Variants in MCM9 observed in about 807,000 individuals in gnomAD.
MCM9 encodes minichromosome maintenance 9 homologous recombination repair factor.
A neutral mutation model predicts 72.8 loss-of-function variants in MCM9; 55 were observed. That is an observed-to-expected ratio of 0.76 (90% CI 0.61 to 0.95). The LOEUF is 0.95. Among genes scored for constraint, MCM9 ranks in the 40% least tolerant of loss-of-function variants. The probability of loss-of-function intolerance (pLI) is 0.00; values close to 1 mark genes in which losing one functional copy is unlikely to be tolerated. For missense variants in MCM9, 1,279 were observed against 1,377.0 expected, an observed-to-expected ratio of 0.93 and a Z score of 1.13; for synonymous variants, 480 against 503.4, an observed-to-expected ratio of 0.95 and a Z score of 0.62.
intron 9 of MCM9, among the ~76,000 whole-genome samples, chr6:118,843,716 A>ATGTG (rs1241979417): frequency 1.3e-4 from 10 of 79,692 alleles, no homozygotes; most frequent in African/African-American, 5.2e-4. Flanking sequence ...ATGTATATAT[A>ATGTG]TATGTATATA....
chr6:118,893,925 C>CGCCGCAGCCACGCCTCCCCT, intron 8 of MCM9: 1 of 776,574 alleles, frequency 1.3e-6, no homozygotes, highest in Non-Finnish European at 1.6e-6. Flanking sequence ...CGCGCCCTCC[C>CGCCGCAGCCACGCCTCCCCT]GCCGCAGCCA....
intron 9 of MCM9, among the ~76,000 whole-genome samples, chr6:118,846,163 A>G (rs1775848451): frequency 6.6e-6 from 1 of 151,946 alleles, no homozygotes; most frequent in Non-Finnish European, 1.5e-5. Flanking sequence ...TGATAATGGC[A>G]GCTACTTATA....
At chr6:118,846,407 G>C (rs1384428351) in intron 9 of MCM9, among the ~76,000 whole-genome samples, 1 of 151,830 alleles carries the variant, frequency 6.6e-6, no homozygotes, top group Non-Finnish European at 1.5e-5. Context: ...GAAAGTAATG[G>C]GGGCCTCATG....
chr6:118,911,095 A>G, intron 8 of MCM9: 1 of 985,174 alleles, frequency 1.0e-6, no homozygotes, highest in South Asian at 4.7e-5. Context: ...TTTATAATCA[A>G]ATCTTGACAT....
At chr6:118,885,134 T>C (rs1253202044) in intron 8 of MCM9, among the ~76,000 whole-genome samples, 1 of 151,984 alleles carries the variant, frequency 6.6e-6, no homozygotes, top group Non-Finnish European at 1.5e-5. Context: ...AGGCGGAGCT[T>C]ACAGTGAGCT....
At chr6:118,916,493 CTG>C (rs1780975042) in intron 6 of MCM9, among the ~76,000 whole-genome samples, 1 of 149,578 alleles carries the variant, frequency 6.7e-6, no homozygotes, top group Admixed American at 6.7e-5. Flanking sequence ...GAGTCTCACT[CTG>C]TCGCCCAGGC....
chr6:118,838,624 T>TATGG (rs902875780), intron 9 of MCM9, among the ~76,000 whole-genome samples: 2 of 152,190 alleles, frequency 1.3e-5, no homozygotes, highest in African/African-American at 4.8e-5. Context: ...GGTTTCACCA[T>TATGG]GTTAGCCAGG....
At position 118,815,185 on chromosome 6, in the gene MCM9, T is replaced by C. The variant is rs539826850; in HGVS notation, c.3071A>G (p.Asn1024Ser). ...AGTAAGATGAGCACACCCAGTCTCG[T>C]TCCCAAGCTCTAATTCAGGCTGAAT... ...RIIQPELELG[N>S]ETGCAHLTCE... The change falls in exon 14 of 14, where the codon AAC (asparagine) becomes AGC (serine). Residue 1024 changes from asparagine (N) to serine (S), a missense_variant. Asn to Ser is a conservative substitution (Grantham distance 46, BLOSUM62 1). Transcript: ENST00000619706. 4 of 1,550,596 alleles carry C rather than the reference T, an allele frequency of 2.6e-6. No homozygotes were observed. The South Asian group carries it at 4.8e-5, about 18-fold the overall frequency.
At chr6:118,842,369 TTA>T (rs1191127176) in intron 9 of MCM9, among the ~76,000 whole-genome samples, 21 of 152,358 alleles carry the variant, frequency 1.4e-4, no homozygotes, top group African/African-American at 5.1e-4. Flanking sequence ...CTTTCCCAAA[TTA>T]TGATTTATTT....
Position 118,931,523 on chromosome 6 carries a change from T to A in MCM9, c.201A>T (p.Thr67=). ...ACCTTCGCAGTGCACTATCAAAAAT[T>A]GTAAGCACTTCACTGGGGAACATGT... ...YFNMFPSEVL[T]IFDSALRRSA... Residue 67 remains threonine, a synonymous_variant, in exon 3 of 14, where the codon ACA becomes ACT. Coordinates refer to ENST00000619706, the MANE Select transcript of MCM9 (RefSeq NM_017696.3). The A allele has an allele frequency of 6.2e-7, 1 of 1,614,168 alleles. No homozygotes were observed. The highest frequency in any genetic ancestry group is 8.5e-7 in the Non-Finnish European group (1 of 1,180,032).
At chr6:118,863,121 A>C (rs1777003638) in intron 8 of MCM9, among the ~76,000 whole-genome samples, 1 of 152,220 alleles carries the variant, frequency 6.6e-6, no homozygotes, top group Middle Eastern at 3.2e-3. Context: ...TCTAATAGAC[A>C]ACAGTTTGTC....
At chr6:118,902,156 TGG>T (rs1779836001) in intron 8 of MCM9, among the ~76,000 whole-genome samples, 1 of 152,192 alleles carries the variant, frequency 6.6e-6, no homozygotes, top group African/African-American at 2.4e-5. Context: ...GTAAAAGACA[TGG>T]GTAACAGAAT....
chr6:118,816,016 A>T lies in MCM9; in HGVS notation c.2240T>A (p.Phe747Tyr). ...AGGTTCACTCTGATGAGTTGCCATG[A>T]AATCAAACCAATCTAAACTGTCATC... is the stretch of plus-strand genomic sequence containing the variant. ...NRDDSLDWFD[F>Y]MATHQSEPKN... The change falls in exon 14 of 14, where the codon TTC (phenylalanine) becomes TAC (tyrosine). Residue 747 changes from phenylalanine (F) to tyrosine (Y), a missense_variant. Physicochemically the swap from Phe to Tyr is conservative, Grantham distance 22 (BLOSUM62 3). Coordinates refer to ENST00000619706, the MANE Select transcript of MCM9 (RefSeq NM_017696.3). 1 of 1,550,558 alleles carries T rather than the reference A, an allele frequency of 6.4e-7. No homozygotes were observed. The highest frequency in any genetic ancestry group is 8.7e-7 in the Non-Finnish European group (1 of 1,146,960).
At chr6:118,920,329 C>T (rs1380807521) in intron 5 of MCM9, 1 of 152,196 alleles carries the variant, frequency 6.6e-6, no homozygotes, top group Non-Finnish European at 1.5e-5. Flanking sequence ...CTATCTGAAA[C>T]CTAGAAGAGG....
In MCM9 at chr6:118,827,027, A is replaced by T. The variant is rs116788839; in HGVS notation, c.1733-163T>A. Among the ~76,000 whole-genome samples, 278 of 152,342 alleles carry T rather than the reference A, an allele frequency of 1.8e-3. 1 individual carries two copies. Among genetic ancestry groups the T allele is most frequent in the South Asian group, 0.01 (50 of 4,828 alleles). On this transcript the variant is annotated intron_variant, in intron 11 of 13. Transcript: ENST00000619706. ...AGTCAACATTCAACTAGCTTTAAGG[A>T]TGTTTCTATAATGAGCCTAATCCTT...
intron 13 of MCM9, among the ~76,000 whole-genome samples, chr6:118,821,114 C>G (rs149873104): frequency 1.3e-4 from 20 of 152,084 alleles, no homozygotes; most frequent in Admixed American, 8.5e-4. Flanking sequence ...GAGCATTTAG[C>G]CCATTTACAT....
chr6:118,840,728 C>T (rs1483880768), intron 9 of MCM9, among the ~76,000 whole-genome samples: 1 of 131,706 alleles, frequency 7.6e-6, no homozygotes, highest in East Asian at 2.2e-4. Context: ...CATATATTCT[C>T]TCCTCCCCCC....
At chr6:118,905,565 T>TCCCC in intron 8 of MCM9, 1 of 1,030,270 alleles carries the variant, frequency 9.7e-7, no homozygotes, top group Non-Finnish European at 1.4e-6. Context: ...CCTCAACTGA[T>TCCCC]GGTTCTAGGT....
chr6:118,931,614 T>G lies in MCM9; in HGVS notation c.110A>C (p.His37Pro). 6.2e-7 allele frequency: 1 copy of G among 1,614,184 alleles called. No individual in the cohort carries two copies. Among genetic ancestry groups the G allele is most frequent in the Admixed American group, 1.7e-5 (1 of 60,028 alleles). Residue 37 changes from histidine (H) to proline (P), a missense_variant, in exon 3 of 14, where the codon CAT becomes CCT. Coordinates refer to ENST00000619706, the MANE Select transcript of MCM9 (RefSeq NM_017696.3). ...CATGGCATTAACCACAACTGGGTAATGAGCATCTTCATCCCTTTCCTTCAA... is the reference window on the plus strand; with the variant it reads ...CATGGCATTAACCACAACTGGGTAAGGAGCATCTTCATCCCTTTCCTTCAA... ...LILKERDEDA[H>P]YPVVVNAMTL...
Sources: allele counts gnomAD v4.1 joint callset (sites outside exome capture counted in the v4.1 genomes callset), GRCh38; gene constraint gnomAD v4.1.1; transcripts MANE v1.5; gene names NCBI Gene and HGNC (gene_info 2026-07-23, HGNC 2026-07-21).